TKFC: variants seen among roughly 807,000 people sequenced by gnomAD.
The protein encoded by TKFC is triokinase and FMN cyclase.
Under a neutral mutation model 61.0 loss-of-function variants are expected in TKFC, and 46 were observed. The ratio of observed to expected loss-of-function variants is 0.75; its 90% confidence interval spans 0.60 to 0.96. The LOEUF (loss-of-function observed/expected upper bound fraction) is 0.96. Among genes scored for constraint, TKFC ranks in the 50% least tolerant of loss-of-function variants. The probability of loss-of-function intolerance (pLI) is 0.00; values close to 1 mark genes in which losing one functional copy is unlikely to be tolerated. For synonymous variants in TKFC, 314 were observed against 330.1 expected (o/e 0.95, Z 0.53); for missense variants, 715 against 777.5 (o/e 0.92, Z 0.96).
At chr11:61,342,971 A>C in intron 10 of TKFC, 127 bp downstream of exon 10, 1 of 905,634 alleles carries the variant, frequency 1.1e-6, no homozygotes, top group Non-Finnish European at 1.7e-6. Flanking sequence ...CTGCCACCTA[A>C]TTGCCGGATA....
chr11:61,337,854 G>C, intron 2 of TKFC, 87 bp from the exon 3 acceptor site: 1 of 1,304,074 alleles, frequency 7.7e-7, no homozygotes, highest in Non-Finnish European at 1.0e-6. Flanking sequence ...TGCGGGAGAG[G>C]GGTCTACACC....
chr11:61,342,748 C>T lies in TKFC; in HGVS notation c.776-7C>T. The T allele has an allele frequency of 6.2e-7, 1 of 1,614,032 alleles. No homozygotes were observed. On this transcript the variant is annotated splice_region_variant and splice_polypyrimidine_tract_variant and intron_variant, in intron 9 of 17. Transcript: ENST00000394900. Reference sequence around the variant, plus strand: ...GGTCTCACCTGGGGTGTCATGTCTACCCGCAGGCTCCTCAGTTGTGATGAT... The same window carrying T: ...GGTCTCACCTGGGGTGTCATGTCTATCCGCAGGCTCCTCAGTTGTGATGAT...
At chr11:61,336,986 C>T (rs958412890) in intron 2 of TKFC, among the ~76,000 whole-genome samples, 6 of 152,146 alleles carry the variant, frequency 3.9e-5, no homozygotes, top group African/African-American at 1.4e-4. Context: ...TTCCCTACCC[C>T]GGTCCTGCTT....
rs150574356 is a variant in TKFC at position 61,346,719 on chromosome 11, T to G, written c.*216T>G. ...GTCCCCATGCCTCTCCAGCATGCCC[T>G]TTCCCTTTGCAGGAGGGTGGAGTCC... On this transcript the variant is annotated 3_prime_UTR_variant, in exon 18 of 18. Coordinates refer to ENST00000394900, the MANE Select transcript of TKFC (RefSeq NM_015533.4). This position sits in a 1 kb window ranked among gnomAD's most constrained non-coding sequence, Gnocchi z 4.1. The G allele has an allele frequency of 5.7e-4, 760 of 1,336,570 alleles. 14 individuals are homozygous for G. In the South Asian group the frequency reaches 0.01, roughly 18 times the overall value. 82.8% of individuals were successfully genotyped at this position (1,336,570 alleles called of 1,614,324 possible).
intron 2 of TKFC, 69 bp from the exon 3 acceptor site, chr11:61,337,870 AGT>A (rs1483538356): frequency 9.7e-6 from 14 of 1,438,164 alleles, no homozygotes; most frequent in Non-Finnish European, 1.3e-5. Context: ...ACACCACAGC[AGT>A]GTGGCTGCGC....
In TKFC at chr11:61,345,923, C is replaced by G. The variant is rs564585469; in HGVS notation, c.1552C>G (p.Gln518Glu). 3.7e-6 allele frequency: 6 copies of G among 1,614,002 alleles called. No individual in the cohort carries two copies. Among genetic ancestry groups the G allele is most frequent in the Non-Finnish European group, 5.1e-6 (6 of 1,180,024 alleles). ...GAAGAGCCCAGGAGCTGATCTGTTA[C>G]AAGTCCTGACCAAAGCAGTCAAGGT... ...AWKSPGADLL[Q>E]VLTKAVKSAE... Residue 518 changes from glutamine (Q) to glutamate (E), a missense_variant, in exon 17 of 18, where the codon CAA (glutamine) becomes GAA (glutamate). Gln to Glu is a conservative substitution (Grantham distance 29). Coordinates refer to ENST00000394900, the MANE Select transcript of TKFC (RefSeq NM_015533.4).
In TKFC at chr11:61,341,567, T is replaced by G. The variant is rs920296844; in HGVS notation, c.565+53T>G. 3.2e-6 allele frequency: 5 copies of G among 1,538,638 alleles called. No homozygotes were observed. In the African/African-American group the frequency reaches 5.5e-5, roughly 17 times the overall value. On this transcript the variant is annotated intron_variant, in intron 6 of 17. Coordinates refer to ENST00000394900, the MANE Select transcript of TKFC (RefSeq NM_015533.4). ...GAGAGTGGGGAAGGTTGGACAGCCC[T>G]GGGGCGAGGAGCAGGTTCCTGTTGG...
chr11:61,348,289 T>G lies in TKFC; in HGVS notation c.*1786T>G. On this transcript the variant is annotated 3_prime_UTR_variant, in exon 18 of 18. Transcript: ENST00000394900. ...CGTGAGATAAGCACGTGCCATTAGC[T>G]ATTAAGGACACGCACATAAATGAGC... 2.0e-6 allele frequency: 2 copies of G among 985,376 alleles called. No individual in the cohort carries two copies. Among genetic ancestry groups the G allele is most frequent in the Non-Finnish European group, 2.4e-6 (2 of 829,926 alleles). 61.0% of individuals were successfully genotyped at this position (985,376 alleles called of 1,614,324 possible).
chr11:61,346,012 G>T lies in TKFC; in HGVS notation c.1575+66G>T. The stretch of plus-strand genomic sequence containing the variant: ...CTAGCCAGCAGACTCCTGTCTCCAT[G>T]TGACCCTGAGCAAGTTAATAACCTT... On this transcript the variant is annotated intron_variant, in intron 17 of 17. Coordinates refer to ENST00000394900, the MANE Select transcript of TKFC (RefSeq NM_015533.4). This position sits in a 1 kb window ranked among gnomAD's most constrained non-coding sequence, Gnocchi z 4.1. 18 of 1,524,366 alleles carry T rather than the reference G, an allele frequency of 1.2e-5. No individual in the cohort carries two copies. The highest frequency in any genetic ancestry group is 1.6e-5 in the Non-Finnish European group (18 of 1,110,594). 94.4% of individuals were successfully genotyped at this position (1,524,366 alleles called of 1,614,324 possible).
At chr11:61,344,359 CTTTTTTTTT>C in intron 13 of TKFC, 86 bp downstream of exon 13, 2 of 1,086,714 alleles carry the variant, frequency 1.8e-6, no homozygotes, top group South Asian at 1.9e-5. Flanking sequence ...AGGGACCTTC[CTTTTTTTTT>C]TTTTTTTTTT....
intron 6 of TKFC, 51 bp downstream of exon 6, chr11:61,341,565 C>G: frequency 6.5e-7 from 1 of 1,540,878 alleles, no homozygotes; most frequent in Non-Finnish European, 8.8e-7. Context: ...GTTGGACAGC[C>G]CTGGGGCGAG....
In TKFC at chr11:61,334,645, C is replaced by G; in HGVS notation, c.-84C>G. On this transcript the variant is annotated 5_prime_UTR_variant, in exon 2 of 18. It introduces an in-frame stop codon into an upstream open reading frame of the 5' UTR. Coordinates refer to ENST00000394900, the MANE Select transcript of TKFC (RefSeq NM_015533.4). ...GTGCTGCTGCTGCCTCCACTGTACT[C>G]AGACCCAGGTAGCACAGGATTGTCC... 1 of 1,597,848 alleles carries G rather than the reference C, an allele frequency of 6.3e-7. No individual in the cohort carries two copies. Among genetic ancestry groups the G allele is most frequent in the Admixed American group, 1.7e-5 (1 of 59,414 alleles).
downstream of TKFC, chr11:61,350,516 G>A: frequency 6.6e-7 from 1 of 1,510,758 alleles, no homozygotes; most frequent in South Asian, 1.2e-5. Flanking sequence ...CCTGCAGGGT[G>A]GTCCCCATCC....
chr11:61,346,601 G>A lies in TKFC; in HGVS notation c.*98G>A, dbSNP rs1857140333. On this transcript the variant is annotated 3_prime_UTR_variant, in exon 18 of 18. Coordinates refer to ENST00000394900, the MANE Select transcript of TKFC (RefSeq NM_015533.4). The surrounding 1 kb of genome is among the most constrained non-coding windows in gnomAD (Gnocchi z 4.1). ...GCCTTCCAACCCTCACCTTCCCCCG[G>A]CCTGGCCCCATTGGCCCACCCTCTA... 2.0e-6 allele frequency: 3 copies of A among 1,496,844 alleles called. No individual in the cohort carries two copies. The South Asian group carries it at 4.0e-5, about 20-fold the overall frequency. The allele number at this position is 1,496,844 out of a possible 1,614,324, so 92.7% of individuals were successfully genotyped here.
rs1857089457 is a variant in TKFC, at chr11:61,345,715, T to C, written c.1455T>C (p.Tyr485=). 2 of 1,614,128 alleles carry C rather than the reference T, an allele frequency of 1.2e-6. No homozygotes were observed. Among genetic ancestry groups the C allele is most frequent in the Admixed American group, 1.7e-5 (1 of 60,010 alleles). Residue 485 remains tyrosine (Y), a synonymous_variant, in exon 16 of 18, where the codon TAT becomes TAC. Transcript: ENST00000394900. ...MDAGLEAMQK[Y]GKAAPGDRTM... is the part of the protein sequence containing the mutation. The stretch of plus-strand genomic sequence containing the variant: ...TTTCACTCTCTTTCCCTGCCAGGTA[T>C]GGCAAGGCTGCTCCAGGGGACAGGA...
At chr11:61,342,208 A>G (rs1378983121) in intron 7 of TKFC, 3 of 615,282 alleles carry the variant, frequency 4.9e-6, no homozygotes, top group East Asian at 5.5e-5. Context: ...CGGCTGTTCA[A>G]AGATCACCTG....
downstream of TKFC, chr11:61,352,691 CAACAATACCA>C: frequency 2.7e-6 from 2 of 744,054 alleles, no homozygotes; most frequent in South Asian, 4.8e-5. Flanking sequence ...ATGGCAATGA[CAACAATACCA>C]ATCAATACCA....
intron 5 of TKFC, among the ~76,000 whole-genome samples, chr11:61,339,815 T>A (rs1856781060): frequency 6.6e-6 from 1 of 152,110 alleles, no homozygotes; most frequent in Non-Finnish European, 1.5e-5. Flanking sequence ...CCTTCTGGCC[T>A]TGCTCATCCA....
chr11:61,343,934 C>T lies in TKFC; in HGVS notation c.1061C>T (p.Pro354Leu), dbSNP rs751849872. The T allele has an allele frequency of 6.2e-7, 1 of 1,611,580 alleles. No homozygotes were observed. The highest frequency in any genetic ancestry group is 8.5e-7 in the Non-Finnish European group (1 of 1,180,000). Reference protein sequence around the residue: ...ITGRKRSRVAPAEPQEAPDST... With the variant: ...ITGRKRSRVALAEPQEAPDST... The stretch of plus-strand genomic sequence containing the variant: ...GGGCGGAAGCGGAGCCGGGTAGCCC[C>T]TGCCGAGCCCCAGGAGGCCCCTGAT... Residue 354 changes from proline (P) to leucine (L), a missense_variant, in exon 12 of 18, where the codon CCT becomes CTT. Physicochemically the swap from Pro to Leu is moderately conservative, Grantham distance 98. Coordinates refer to ENST00000394900, the MANE Select transcript of TKFC (RefSeq NM_015533.4).
Sources: gnomAD v4.1 joint callset for allele counts (sites outside exome capture counted in the v4.1 genomes callset) on GRCh38, gnomAD v4.1.1 for gene constraint, Gnocchi (gnomAD v3.1) non-coding constraint, MANE v1.5 for transcripts, NCBI Gene and HGNC (gene_info 2026-07-23, HGNC 2026-07-21) for gene names.